Variants in SNX6 observed in about 807,000 individuals in gnomAD.
SNX6 encodes sorting nexin-6.
In SNX6, 34 loss-of-function variants were observed where a neutral mutation model predicts 63.0. That is an observed-to-expected ratio of 0.54 (90% CI 0.41 to 0.72). The LOEUF (loss-of-function observed/expected upper bound fraction) is 0.72, where lower values mean the gene tolerates loss of function less well. SNX6 is among the 30% of genes least tolerant of loss of function. The pLI is 0.00. For missense variants in SNX6, 398 were observed against 471.4 expected (o/e 0.84, Z 1.44); for synonymous variants, 170 against 164.2 (o/e 1.04, Z -0.27).
intron 11 of SNX6, among the ~76,000 whole-genome samples, chr14:34,570,373 CTT>C (rs147036265): frequency 1.4e-5 from 2 of 143,354 alleles, no homozygotes; most frequent in East Asian, 2.1e-4. Flanking sequence ...GTCTTACCAG[CTT>C]TTTTTTTTTT....
intron 11 of SNX6, among the ~76,000 whole-genome samples, chr14:34,570,740 T>A (rs1340975155): frequency 8.6e-6 from 1 of 116,302 alleles, no homozygotes; most frequent in Admixed American, 8.4e-5. Context: ...TTTTTTTTTT[T>A]TGAGATGGAG....
intron 9 of SNX6, among the ~76,000 whole-genome samples, chr14:34,581,857 T>A (rs1478647830): frequency 6.6e-6 from 1 of 152,158 alleles, no homozygotes; most frequent in Non-Finnish European, 1.5e-5. Flanking sequence ...CGATGGAGTT[T>A]CACGCTTGTT....
chr14:34,620,252 A>G (rs1883573549), intron 2 of SNX6, among the ~76,000 whole-genome samples: 2 of 152,176 alleles, frequency 1.3e-5, no homozygotes, highest in African/African-American at 2.4e-5. Context: ...TGCCTCCTCC[A>G]GCCCAGAGAA....
At chr14:34,613,954 A>G (rs1245251320) in intron 2 of SNX6, among the ~76,000 whole-genome samples, 1 of 151,730 alleles carries the variant, frequency 6.6e-6, no homozygotes, top group Non-Finnish European at 1.5e-5. Flanking sequence ...CTAAAAATAC[A>G]AAAATTAGCT....
intron 2 of SNX6, among the ~76,000 whole-genome samples, chr14:34,618,029 T>C (rs999807791): frequency 6.6e-6 from 1 of 152,176 alleles, no homozygotes; most frequent in African/African-American, 2.4e-5. Context: ...TGTTCATATT[T>C]TGACAGCAAA....
intron 2 of SNX6, among the ~76,000 whole-genome samples, chr14:34,617,607 CAAAAAA>C (rs34716944): frequency 3.1e-3 from 206 of 66,920 alleles, no homozygotes; most frequent in African/African-American, 0.012. Flanking sequence ...GACCCTGTCT[CAAAAAA>C]AAAAAAAAAA....
At chr14:34,600,910 C>T (rs1043111692) in intron 6 of SNX6, among the ~76,000 whole-genome samples, 6 of 151,430 alleles carry the variant, frequency 4.0e-5, no homozygotes, top group African/African-American at 1.2e-4. Flanking sequence ...GGTGGCTACT[C>T]GGGAGGTGGA....
intron 11 of SNX6, among the ~76,000 whole-genome samples, chr14:34,569,810 T>C (rs572900797): frequency 2.7e-4 from 41 of 152,340 alleles, no homozygotes; most frequent in African/African-American, 9.6e-4. Context: ...ATTTGGTTTA[T>C]TACCACTTTT....
intron 8 of SNX6, among the ~76,000 whole-genome samples, chr14:34,587,903 C>T (rs1270347581): frequency 2.0e-5 from 3 of 151,068 alleles, no homozygotes; most frequent in African/African-American, 4.9e-5. Context: ...CTCCACCACC[C>T]GGGTTCAAGT....
chr14:34,607,273 T>C (rs1257421898), intron 4 of SNX6, among the ~76,000 whole-genome samples: 1 of 151,922 alleles, frequency 6.6e-6, no homozygotes, highest in African/African-American at 2.4e-5. Flanking sequence ...TAAAAAAACA[T>C]ATCAGGCTGA....
intron 2 of SNX6, among the ~76,000 whole-genome samples, chr14:34,621,777 T>C (rs755259530): frequency 2.0e-5 from 3 of 152,176 alleles, no homozygotes; most frequent in Non-Finnish European, 4.4e-5. Flanking sequence ...AACATCTCTT[T>C]ACTACATCCC....
At chr14:34,610,576 C>G (rs1016666822) in intron 2 of SNX6, among the ~76,000 whole-genome samples, 1 of 152,012 alleles carries the variant, frequency 6.6e-6, no homozygotes, top group Non-Finnish European at 1.5e-5. Context: ...ATGTAAAGTG[C>G]TAAGAAAAAT....
At chr14:34,595,308 T>G (rs776139026) in intron 7 of SNX6, among the ~76,000 whole-genome samples, 1 of 152,056 alleles carries the variant, frequency 6.6e-6, no homozygotes, top group Non-Finnish European at 1.5e-5. Flanking sequence ...TGGCTAATTT[T>G]GTATTTTTAG....
intron 6 of SNX6, among the ~76,000 whole-genome samples, chr14:34,602,975 C>CAA (rs755501321): frequency 3.7e-4 from 34 of 92,260 alleles, no homozygotes; most frequent in Non-Finnish European, 5.9e-4. Context: ...GACTCCGTCT[C>CAA]AAAAAAAAAA....
intron 10 of SNX6, among the ~76,000 whole-genome samples, chr14:34,576,446 ATATATAT>A (rs1050511046): frequency 1.7e-3 from 22 of 12,842 alleles, no homozygotes; most frequent in Non-Finnish European, 5.9e-3. Flanking sequence ...ATATATATAT[ATATATAT>A]TTTTTTTTTT....
intron 11 of SNX6, among the ~76,000 whole-genome samples, chr14:34,570,706 C>T (rs1881408720): frequency 6.7e-6 from 1 of 148,486 alleles, no homozygotes; most frequent in Non-Finnish European, 1.5e-5. Flanking sequence ...CGGGTGTGAG[C>T]CACCGCACCT....
intron 6 of SNX6, among the ~76,000 whole-genome samples, chr14:34,602,874 G>T (rs555467407): frequency 9.4e-4 from 143 of 151,598 alleles, no homozygotes; most frequent in African/African-American, 3.0e-3. Flanking sequence ...TACTCGGGAG[G>T]CTGAGGCAGG....
At chr14:34,579,586 G>A (rs146445008) in intron 10 of SNX6, among the ~76,000 whole-genome samples, 2,378 of 152,116 alleles carry the variant, frequency 0.016, 33 homozygotes, top group Middle Eastern at 0.041. Context: ...CCGCCTGGCC[G>A]ACAGAGTGAG....
At chr14:34,571,682 G>A (rs1881459389) in intron 11 of SNX6, among the ~76,000 whole-genome samples, 1 of 152,080 alleles carries the variant, frequency 6.6e-6, no homozygotes, top group Admixed American at 6.6e-5. Flanking sequence ...TTATAATGGT[G>A]GGCACATATC....
Sources: gnomAD v4.1 joint callset for allele counts (sites outside exome capture counted in the v4.1 genomes callset) on GRCh38, gnomAD v4.1.1 for gene constraint, MANE v1.5 for transcripts, NCBI Gene and HGNC (gene_info 2026-07-23, HGNC 2026-07-21) for gene names.